PYY: variants seen among roughly 807,000 people sequenced by gnomAD.
PYY encodes peptide YY.
In PYY, 12 loss-of-function variants were observed where a neutral mutation model predicts 10.3. The observed-to-expected ratio is 1.17, with a 90% CI of 0.75 to 1.89. The LOEUF (loss-of-function observed/expected upper bound fraction) is 1.89, where lower values mean the gene tolerates loss of function less well. Ranked by LOEUF, PYY falls within the 40% of genes most tolerant of loss-of-function variation. The pLI, the probability that PYY is intolerant of heterozygous loss-of-function variation, is 0.00. For synonymous variants in PYY, 66 were observed against 62.0 expected, an observed-to-expected ratio of 1.06 and a Z score of -0.30; for missense variants, 141 against 134.0, an observed-to-expected ratio of 1.05 and a Z score of -0.26.
chr17:43,965,771 G>A (rs1042141759), intron 2 of PYY, among the ~76,000 whole-genome samples: 5 of 93,092 alleles, frequency 5.4e-5, no homozygotes, highest in African/African-American at 1.3e-4. Flanking sequence ...CTGGGCAACA[G>A]AGTGAGAATC....
intron 1 of PYY, chr17:44,004,365 C>T (rs1017985555): frequency 2.5e-5 from 7 of 283,228 alleles, no homozygotes; most frequent in Non-Finnish European, 4.5e-5. Context: ...GCCCTGCAGA[C>T]TCCCAAAGCC....
At chr17:43,992,533 C>T (rs2048964299) in intron 1 of PYY, among the ~76,000 whole-genome samples, 1 of 151,888 alleles carries the variant, frequency 6.6e-6, no homozygotes, top group African/African-American at 2.4e-5. Context: ...CATGGAGAAA[C>T]CCCGTCACTA....
intron 1 of PYY, among the ~76,000 whole-genome samples, chr17:44,002,853 G>A (rs1015895088): frequency 2.0e-5 from 3 of 152,120 alleles, no homozygotes; most frequent in Non-Finnish European, 4.4e-5. Flanking sequence ...CCTAGCATTC[G>A]ACATGTGTTA....
At chr17:43,982,953 C>T (rs914395876) in intron 1 of PYY, among the ~76,000 whole-genome samples, 2 of 152,072 alleles carry the variant, frequency 1.3e-5, no homozygotes, top group Admixed American at 6.6e-5. Context: ...AGCTGGAGGC[C>T]GGGCGTGGTG....
chr17:43,953,074 T>C, intron 3 of PYY, 35 bp downstream of exon 3: 1 of 1,610,558 alleles, frequency 6.2e-7, no homozygotes, highest in Non-Finnish European at 8.5e-7. Context: ...GGCCGCGCTC[T>C]CGGATGCAGG....
In PYY at chr17:43,989,887, TATATATATATATAC is replaced by T. The variant is rs1351780281; in HGVS notation, c.-463+14490_-463+14503del. 2.0e-3 allele frequency among the ~76,000 whole-genome samples: 80 copies of T among 41,012 alleles called. 33 individuals carry two copies. The highest frequency in any genetic ancestry group is 8.5e-3 in the African/African-American group (80 of 9,360). 26.9% of individuals were successfully genotyped at this position (41,012 alleles called of 152,430 possible). A position where few individuals can be genotyped will look rare whatever the true frequency, so the allele number is the denominator to read the frequency against. ...ATATATATATATATATATATATATA[TATATATATATATAC>T]ACACAAATCTATAAGTAAGACATTA... On this transcript the variant is annotated intron_variant, in intron 1 of 6. Coordinates refer to the PYY transcript ENST00000360085.
intron 1 of PYY, among the ~76,000 whole-genome samples, chr17:43,992,379 G>C (rs995827899): frequency 2.0e-5 from 3 of 151,994 alleles, no homozygotes; most frequent in Non-Finnish European, 4.4e-5. Context: ...TCAGGAGCTC[G>C]AGACCAGCTT....
chr17:43,956,938 G>T (rs1010262969), upstream of PYY, among the ~76,000 whole-genome samples: 1 of 151,994 alleles, frequency 6.6e-6, no homozygotes, highest in African/African-American at 2.4e-5. Context: ...TGGTGCTCAC[G>T]CCTGTAATCC....
At chr17:43,974,840 G>T (rs2048818396) in intron 1 of PYY, among the ~76,000 whole-genome samples, 1 of 152,044 alleles carries the variant, frequency 6.6e-6, no homozygotes. Context: ...TTTTGGCTTA[G>T]CTATAGTTTA....
intron 1 of PYY, among the ~76,000 whole-genome samples, chr17:43,997,770 G>A (rs539967866): frequency 2.0e-5 from 3 of 152,080 alleles, no homozygotes; most frequent in Admixed American, 2.0e-4. Flanking sequence ...TATATCCCCC[G>A]CCCGCGTTCC....
intron 1 of PYY, among the ~76,000 whole-genome samples, chr17:43,970,367 C>T (rs2048783795): frequency 6.6e-6 from 1 of 151,610 alleles, no homozygotes; most frequent in Admixed American, 6.6e-5. Context: ...AATTCCTGGG[C>T]GTGGTGGCAC....
intron 1 of PYY, among the ~76,000 whole-genome samples, chr17:43,967,790 G>A (rs1372609635): frequency 6.6e-6 from 1 of 152,062 alleles, no homozygotes; most frequent in African/African-American, 2.4e-5. Flanking sequence ...AGAATTCAAC[G>A]TTCCACTGAG....
intron 2 of PYY, among the ~76,000 whole-genome samples, chr17:43,965,033 A>G (rs1757104839): frequency 6.6e-6 from 1 of 152,198 alleles, no homozygotes; most frequent in South Asian, 2.1e-4. Context: ...CCTGACTTTG[A>G]TTTGGAAATC....
At chr17:43,970,178 T>TA (rs1448344511) in intron 1 of PYY, among the ~76,000 whole-genome samples, 1 of 72,784 alleles carries the variant, frequency 1.4e-5, no homozygotes, top group Admixed American at 1.7e-4. Flanking sequence ...TCTGCCTGGA[T>TA]AAAAAAACAA....
chr17:43,982,887 G>C (rs937244522), intron 1 of PYY, among the ~76,000 whole-genome samples: 1 of 152,156 alleles, frequency 6.6e-6, no homozygotes, highest in African/African-American at 2.4e-5. Flanking sequence ...AGGAGAAGGA[G>C]GAAAGTGGTG....
At chr17:43,995,292 T>C (rs2143962175) in intron 1 of PYY, among the ~76,000 whole-genome samples, 1 of 152,306 alleles carries the variant, frequency 6.6e-6, no homozygotes, top group Non-Finnish European at 1.5e-5. Context: ...AAATATTAAG[T>C]AGAACCCTAT....
chr17:43,974,367 C>A (rs994560995), intron 1 of PYY, among the ~76,000 whole-genome samples: 1 of 151,842 alleles, frequency 6.6e-6, no homozygotes, highest in Non-Finnish European at 1.5e-5. Flanking sequence ...GGGGATGGTT[C>A]TAGGTGAACA....
At chr17:43,965,815 AAAGAG>A (rs1380404691) in intron 2 of PYY, among the ~76,000 whole-genome samples, 9 of 150,402 alleles carry the variant, frequency 6.0e-5, no homozygotes, top group Non-Finnish European at 7.4e-5. Flanking sequence ...AAAAAAAAAA[AAAGAG>A]AGAGAAACAA....
chr17:43,971,317 C>T (rs1182207791), intron 1 of PYY, among the ~76,000 whole-genome samples: 1 of 152,134 alleles, frequency 6.6e-6, no homozygotes, highest in Non-Finnish European at 1.5e-5. Context: ...CACCTGTAAT[C>T]CCAGCACTTT....
Sources: allele counts gnomAD v4.1 joint callset (sites outside exome capture counted in the v4.1 genomes callset), GRCh38; gene constraint gnomAD v4.1.1; transcripts MANE v1.5; gene names NCBI Gene and HGNC (gene_info 2026-07-23, HGNC 2026-07-21).